Variants in MYH9 observed in about 807,000 individuals in gnomAD.
MYH9 encodes myosin heavy chain 9.
A neutral mutation model predicts 241.9 loss-of-function variants in MYH9; 29 were observed. That is an observed-to-expected ratio of 0.12 (90% confidence interval 0.09 to 0.16). The LOEUF (loss-of-function observed/expected upper bound fraction) is 0.16, where lower values mean the gene tolerates loss of function less well. MYH9 is among the 10% of genes least tolerant of loss of function. MYH9 has a pLI of 1.00. For missense variants in MYH9, 1,803 were observed against 2,595.5 expected, an observed-to-expected ratio of 0.69 and a Z score of 6.63; for synonymous variants, 1,047 against 1,062.6, an observed-to-expected ratio of 0.99 and a Z score of 0.29.
rs762302013 is a variant in MYH9, at chr22:36,330,887, C to T, written c.491-3399G>A. 2.3e-4 allele frequency among the ~76,000 whole-genome samples: 35 copies of T among 152,068 alleles called. No individual in the cohort carries two copies. The highest frequency in any genetic ancestry group is 6.2e-4 in the South Asian group (3 of 4,818). On this transcript the variant is annotated intron_variant, in intron 3 of 40. Transcript: ENST00000216181. The surrounding 1 kb of genome is among the most constrained non-coding windows in gnomAD (Gnocchi z 4.5). ...CAGATGAAAGTCTAGCCGTGGTAGG[C>T]GCCTGAACCCACTGCCCCAGCCCCT...
At position 36,295,400 on chromosome 22, in the gene MYH9, C is replaced by CA; in HGVS notation, c.3485+104_3485+105insT. ...TGCCTGCTGGTGCCTAAGAGGGCCA[C>CA]GGTGTGTGTGTGTGTGTGTGTGCAG... On this transcript the variant is annotated intron_variant, in intron 26 of 40. Transcript: ENST00000216181. The surrounding 1 kb of genome is among the most constrained non-coding windows in gnomAD (Gnocchi z 4.1). 2.4e-6 allele frequency: 2 copies of CA among 818,180 alleles called. No individual in the cohort carries two copies. The highest frequency in any genetic ancestry group is 2.4e-5 in the Admixed American group (1 of 41,428). The allele number at this position is 818,180 out of a possible 1,614,324, so 50.7% of individuals were successfully genotyped here. A position where few individuals can be genotyped will look rare whatever the true frequency, so the allele number is the denominator to read the frequency against.
chr22:36,367,576 G>A (rs1380690200), intron 1 of MYH9, among the ~76,000 whole-genome samples: 4 of 152,216 alleles, frequency 2.6e-5, no homozygotes, highest in Non-Finnish European at 4.4e-5. Context: ...TCCTAGACTG[G>A]GTTGCGGCAG....
At chr22:36,315,914 T>C (rs1334264664) in intron 12 of MYH9, among the ~76,000 whole-genome samples, 4 of 151,806 alleles carry the variant, frequency 2.6e-5, no homozygotes, top group African/African-American at 9.7e-5. Context: ...GGTGCGTGCC[T>C]ATAGTTCCAG....
intron 3 of MYH9, among the ~76,000 whole-genome samples, chr22:36,334,557 C>T (rs375546155): frequency 3.3e-5 from 5 of 152,206 alleles, no homozygotes; most frequent in Admixed American, 3.3e-4. Flanking sequence ...GCGGCTGTGA[C>T]AACTCACTTC....
At chr22:36,367,265 C>T (rs2018025110) in intron 1 of MYH9, among the ~76,000 whole-genome samples, 1 of 152,150 alleles carries the variant, frequency 6.6e-6, no homozygotes, top group African/African-American at 2.4e-5. Context: ...AGCAAGAGTC[C>T]ACGTGGCACG....
At chr22:36,314,673 G>C (rs5756143) in intron 12 of MYH9, among the ~76,000 whole-genome samples, 81,574 of 151,216 alleles carry the variant, frequency 0.54, 24,229 homozygotes, top group Non-Finnish European at 0.68. Flanking sequence ...TTTTGAGACA[G>C]AGTCTCATTC....
intron 10 of MYH9, among the ~76,000 whole-genome samples, chr22:36,318,593 G>A (rs1206656089): frequency 2.6e-5 from 4 of 152,144 alleles, no homozygotes; most frequent in African/African-American, 4.8e-5. Context: ...AGCCCCACGG[G>A]GCAGAGAGGA....
At chr22:36,344,174 T>C (rs1035281257) in intron 2 of MYH9, among the ~76,000 whole-genome samples, 1 of 152,192 alleles carries the variant, frequency 6.6e-6, no homozygotes, top group Non-Finnish European at 1.5e-5. Context: ...GGAAGGAGAT[T>C]CACTGGATGC....
Position 36,281,809 on chromosome 22 carries a change from G to C in MYH9, c.*859C>G, listed in dbSNP as rs1402449381. 3 of 231,238 alleles carry C rather than the reference G, an allele frequency of 1.3e-5. No individual in the cohort carries two copies. The highest frequency in any genetic ancestry group is 2.6e-5 in the Non-Finnish European group (3 of 116,566). The allele number at this position is 231,238 out of a possible 1,614,324, so 14.3% of individuals were successfully genotyped here. ...AGTAGACACAAGATCGCCTGGGAGG[G>C]CCGCTGGCCCCTCTAACGCTCTGGC... On this transcript the variant is annotated 3_prime_UTR_variant, in exon 41 of 41. Transcript: ENST00000216181.
chr22:36,359,639 C>A (rs773419078), intron 1 of MYH9, among the ~76,000 whole-genome samples: 8 of 152,218 alleles, frequency 5.3e-5, no homozygotes, highest in Non-Finnish European at 1.0e-4. Context: ...CCTTCTAGCA[C>A]CCCCTGATTA....
intron 5 of MYH9, among the ~76,000 whole-genome samples, chr22:36,325,654 C>T (rs905069775): frequency 2.0e-5 from 3 of 152,336 alleles, no homozygotes; most frequent in Non-Finnish European, 4.4e-5. Context: ...GACCACAGAG[C>T]GTGGAGGGCT....
intron 1 of MYH9, among the ~76,000 whole-genome samples, chr22:36,374,259 T>C (rs2018132092): frequency 2.0e-5 from 3 of 152,308 alleles, no homozygotes; most frequent in South Asian, 4.1e-4. Flanking sequence ...AGCTCAAGCA[T>C]GTAATCCCAG....
rs574940517 is a variant in MYH9 at position 36,335,816 on chromosome 22, C to T, written c.490+5554G>A. ...GAAATCAGGAGACTGCTTTCTGGGG[C>T]TGGCTCTCTGCGGGCTTTTCGACAA... On this transcript the variant is annotated intron_variant, in intron 3 of 40. Transcript: ENST00000216181. Among the ~76,000 whole-genome samples the T allele has an allele frequency of 4.6e-5, 7 of 152,372 alleles. No homozygotes were observed. In the South Asian group the frequency reaches 1.4e-3, roughly 32 times the overall value.
At chr22:36,382,190 G>A (rs1024477056) in intron 1 of MYH9, among the ~76,000 whole-genome samples, 1 of 152,146 alleles carries the variant, frequency 6.6e-6, no homozygotes, top group Non-Finnish European at 1.5e-5. Flanking sequence ...GTACCAGAGT[G>A]CTGGCCAGGT....
In MYH9 at chr22:36,320,331, G is replaced by A. The variant is rs2017230295; in HGVS notation, c.901C>T (p.Arg301Cys). ...DLLLEPYNKY[R>C]FLSNGHVTIP... ...GTGACGTGTCCATTGGACAGGAAGC[G>A]GTATTTGTTGTACGGCTCCAACAGG... The change falls in exon 9 of 41, where the codon CGC becomes TGC. Residue 301 changes from arginine (R) to cysteine (C), a missense_variant. Arg to Cys is a radical substitution (Grantham distance 180). Coordinates refer to ENST00000216181, the MANE Select transcript of MYH9 (RefSeq NM_002473.6). This position sits in a 1 kb window ranked among gnomAD's most constrained non-coding sequence, Gnocchi z 4.8. 8.1e-6 allele frequency: 13 copies of A among 1,614,020 alleles called. No individual in the cohort carries two copies. The highest frequency in any genetic ancestry group is 5.3e-5 in the African/African-American group (4 of 74,944).
chr22:36,373,921 CTTACAATT>C (rs2018125563), intron 1 of MYH9, among the ~76,000 whole-genome samples: 2 of 152,182 alleles, frequency 1.3e-5, no homozygotes, highest in South Asian at 4.1e-4. Context: ...CTCCATTCTG[CTTACAATT>C]TTGTAAAATA....
At position 36,306,164 on chromosome 22, in the gene MYH9, T is replaced by C. The variant is rs567137456; in HGVS notation, c.2038-113A>G. Reference sequence around the variant, plus strand: ...GCAAGAGCCTAAGGGAGGGGGTCGCTACAGCCCACAGGTTTGGACAATGAA... The same window carrying C: ...GCAAGAGCCTAAGGGAGGGGGTCGCCACAGCCCACAGGTTTGGACAATGAA... On this transcript the variant is annotated intron_variant, in intron 16 of 40. Coordinates refer to ENST00000216181, the MANE Select transcript of MYH9 (RefSeq NM_002473.6). The surrounding 1 kb of genome is among the most constrained non-coding windows in gnomAD (Gnocchi z 4.1). The C allele has an allele frequency of 3.9e-6, 6 of 1,540,610 alleles. No homozygotes were observed. In the African/African-American group the frequency reaches 5.4e-5, roughly 14 times the overall value.
chr22:36,303,856 CAG>C (rs760648413), intron 19 of MYH9, 137 bp downstream of exon 19: 258 of 769,714 alleles, frequency 3.4e-4, no homozygotes, highest in Non-Finnish European at 4.9e-4. Flanking sequence ...AATCCAGGAA[CAG>C]GGGTAGGAAG....
intron 1 of MYH9, among the ~76,000 whole-genome samples, chr22:36,387,567 G>C (rs1329228356): frequency 6.6e-6 from 1 of 151,772 alleles, no homozygotes; most frequent in African/African-American, 2.4e-5. Flanking sequence ...TCCCGAGGCC[G>C]CCCCTGCACC....
Sources: allele counts gnomAD v4.1 joint callset (sites outside exome capture counted in the v4.1 genomes callset), GRCh38; gene constraint gnomAD v4.1.1; non-coding constraint Gnocchi (gnomAD v3.1); transcripts MANE v1.5; gene names NCBI Gene and HGNC (gene_info 2026-07-23, HGNC 2026-07-21).